The following DDX60 variants were observed in gnomAD, a reference collection of about 807,000 sequenced individuals.
DDX60 encodes probable ATP-dependent RNA helicase DDX60.
Under a neutral mutation model 212.8 loss-of-function variants are expected in DDX60, and 165 were observed. The observed-to-expected ratio is 0.78, with a 90% CI of 0.68 to 0.88. The LOEUF (loss-of-function observed/expected upper bound fraction) is 0.88. Ranked by LOEUF, DDX60 falls within the 40% of genes least tolerant of loss-of-function variation. The probability of loss-of-function intolerance (pLI) is 0.00; values close to 1 mark genes in which losing one functional copy is unlikely to be tolerated. For synonymous variants in DDX60, 703 were observed against 685.3 expected (o/e 1.03, Z -0.40); for missense variants, 1,905 against 2,003.9 (o/e 0.95, Z 0.94).
rs201548896 is a variant in DDX60, at chr4:168,283,051, G to A, written c.1722+395C>T. Among the ~76,000 whole-genome samples, 592 of 152,048 alleles carry A rather than the reference G, an allele frequency of 3.9e-3. 2 individuals are homozygous for A. The highest frequency in any genetic ancestry group is 0.013 in the African/African-American group (543 of 41,504). On this transcript the variant is annotated intron_variant, in intron 13 of 37. Coordinates refer to ENST00000393743, the MANE Select transcript of DDX60 (RefSeq NM_017631.6). The stretch of plus-strand genomic sequence containing the variant: ...ATTAATCAATCATTTAAATACTTTG[G>A]AAAAGTGTAAACACTCTTTATAATT...
intron 8 of DDX60, 92 bp from the exon 9 acceptor site, chr4:168,288,407 G>T: frequency 1.1e-6 from 1 of 878,398 alleles, no homozygotes; most frequent in Non-Finnish European, 1.7e-6. Context: ...AAGGCAGTGG[G>T]CAGGATCATT....
chr4:168,252,431 T>A, intron 27 of DDX60, 78 bp downstream of exon 27: 2 of 1,516,850 alleles, frequency 1.3e-6, no homozygotes, highest in South Asian at 1.2e-5. Context: ...ATATATCTTA[T>A]TAAGCATTAT....
rs758038834 is a variant in DDX60, at chr4:168,225,642, T to A, written c.4568A>T (p.Asp1523Val). 2.5e-6 allele frequency: 4 copies of A among 1,611,660 alleles called. No homozygotes were observed. The Admixed American group carries it at 5.0e-5, about 20-fold the overall frequency. ...TTTCATGTTATATTCATCTAAAGCA[T>A]CACTAAAATCCTCAGGGAGATCATC... Reference protein sequence around the residue: ...FLDDLPEDFSDALDEYNMKIM... With the variant: ...FLDDLPEDFSVALDEYNMKIM... Residue 1523 changes from aspartate to valine, a missense_variant, in exon 34 of 38, where the codon GAT (aspartate) becomes GTT (valine). Coordinates refer to ENST00000393743, the MANE Select transcript of DDX60 (RefSeq NM_017631.6).
intron 7 of DDX60, among the ~76,000 whole-genome samples, chr4:168,293,235 T>A (rs1033449474): frequency 2.0e-5 from 3 of 152,168 alleles, no homozygotes; most frequent in African/African-American, 7.2e-5. Context: ...AGTTAAAAAC[T>A]TTAGTATCTC....
intron 30 of DDX60, among the ~76,000 whole-genome samples, chr4:168,245,523 C>T (rs1449980207): frequency 6.6e-6 from 1 of 152,122 alleles, no homozygotes; most frequent in Non-Finnish European, 1.5e-5. Flanking sequence ...AGATGTACTC[C>T]TCTTTATAGA....
At chr4:168,291,357 T>G (rs535707814) in intron 8 of DDX60, among the ~76,000 whole-genome samples, 1 of 152,210 alleles carries the variant, frequency 6.6e-6, no homozygotes, top group African/African-American at 2.4e-5. Context: ...TGCTTCTATT[T>G]CTCTAAAGTA....
chr4:168,259,639 A>G (rs528246958), intron 25 of DDX60, among the ~76,000 whole-genome samples: 2 of 151,112 alleles, frequency 1.3e-5, no homozygotes, highest in South Asian at 2.1e-4. Flanking sequence ...AATTGCCCAA[A>G]GTAAATAGAG....
intron 2 of DDX60, 53 bp downstream of exon 2, chr4:168,311,202 GT>G (rs1737119047): frequency 6.3e-7 from 1 of 1,582,064 alleles, no homozygotes; most frequent in Non-Finnish European, 8.7e-7. Context: ...AATCTATGTA[GT>G]TTACAGGGTA....
At position 168,267,615 on chromosome 4, in the gene DDX60, A is replaced by G. The variant is rs780524503; in HGVS notation, c.3006T>C (p.His1002=). 1 of 1,601,146 alleles carries G rather than the reference A, an allele frequency of 6.2e-7. No homozygotes were observed. Among genetic ancestry groups the G allele is most frequent in the Non-Finnish European group, 8.5e-7 (1 of 1,173,374 alleles). Residue 1002 remains histidine (H), a synonymous_variant, in exon 22 of 38, where the codon CAT becomes CAC. Transcript: ENST00000393743. ...TTGTTAGTGCAGCACATGGGTGAAA[A>G]TGATCAAAATGAATGTCACCATGTT... ...SIKHGDIHFD[H]FHPCAALTTD...
In DDX60 at chr4:168,221,700, G is replaced by C. The variant is rs377398691; in HGVS notation, c.4976+30C>G. 6 of 1,570,950 alleles carry C rather than the reference G, an allele frequency of 3.8e-6. No individual in the cohort carries two copies. In the African/African-American group the frequency reaches 5.4e-5, roughly 14 times the overall value. On this transcript the variant is annotated intron_variant, in intron 36 of 37. Transcript: ENST00000393743. ...CATTAGAGATGGAGATGGGAGGACA[G>C]AGAAACAGAGACAGACAGAGAGGAC...
intron 17 of DDX60, 119 bp downstream of exon 17, chr4:168,273,815 A>C: frequency 8.3e-7 from 1 of 1,210,026 alleles, no homozygotes; most frequent in African/African-American, 1.5e-5. Context: ...TCAGACACTG[A>C]AACAAGAAAA....
chr4:168,293,690 C>A, intron 7 of DDX60, 97 bp downstream of exon 7: 1 of 1,056,988 alleles, frequency 9.5e-7, no homozygotes, highest in East Asian at 2.5e-5. Context: ...AAGAGAAAAA[C>A]ATGAAGTACC....
At position 168,261,904 on chromosome 4, in the gene DDX60, G is replaced by A. The variant is rs545925078; in HGVS notation, c.3273+96C>T. On this transcript the variant is annotated intron_variant, in intron 24 of 37. Coordinates refer to ENST00000393743, the MANE Select transcript of DDX60 (RefSeq NM_017631.6). ...AACTTAAATTTCTAAAATAAAAATT[G>A]AGGATTAAAAAAAATCAGAAAATGG... The A allele has an allele frequency of 2.6e-5, 35 of 1,344,354 alleles. No individual in the cohort carries two copies. The East Asian group carries it at 8.8e-4, about 34-fold the overall frequency. The allele number at this position is 1,344,354 out of a possible 1,614,324, so 83.3% of individuals were successfully genotyped here. A position where few individuals can be genotyped will look rare whatever the true frequency, so the allele number is the denominator to read the frequency against.
chr4:168,292,049 C>A (rs878930689), intron 7 of DDX60, 143 bp from the exon 8 acceptor site: 9 of 302,360 alleles, frequency 3.0e-5, no homozygotes, highest in East Asian at 5.4e-5. Context: ...TTCTTTCTTT[C>A]TTTTTTTTTT....
intron 14 of DDX60, among the ~76,000 whole-genome samples, chr4:168,277,822 GAAAAAAAAA>G (rs530939598): frequency 1.7e-5 from 2 of 118,852 alleles, no homozygotes; most frequent in African/African-American, 6.0e-5. Flanking sequence ...AAAAAAAAAA[GAAAAAAAAA>G]AAAAAGAAAA....
At position 168,246,603 on chromosome 4, in the gene DDX60, C is replaced by G; in HGVS notation, c.3979G>C (p.Gly1327Arg). 6.2e-7 allele frequency: 1 copy of G among 1,614,042 alleles called. No individual in the cohort carries two copies. Among genetic ancestry groups the G allele is most frequent in the Non-Finnish European group, 8.5e-7 (1 of 1,179,960 alleles). ...CCCATCAGGTCTTGACCTCTTCTTC[C>G]AGCACGGCCAGACATCTGAAAAGAG... ...LNYRQMSGRA[G>R]RRGQDLMGDV... Residue 1327 changes from glycine to arginine, a missense_variant, in exon 30 of 38, where the codon GGA becomes CGA. By Grantham distance (125) the Gly-to-Arg change is moderately radical (BLOSUM62 -2). Coordinates refer to ENST00000393743, the MANE Select transcript of DDX60 (RefSeq NM_017631.6).
chr4:168,292,641 A>C (rs1379396684), intron 7 of DDX60, among the ~76,000 whole-genome samples: 1 of 152,194 alleles, frequency 6.6e-6, no homozygotes, highest in Non-Finnish European at 1.5e-5. Context: ...CAGGGCGAGG[A>C]CACCAGGATG....
intron 33 of DDX60, among the ~76,000 whole-genome samples, chr4:168,232,774 A>T (rs541586209): frequency 6.6e-6 from 1 of 152,128 alleles, no homozygotes; most frequent in East Asian, 1.9e-4. Flanking sequence ...ACAATATTAT[A>T]AAAACCCTTC....
At chr4:168,302,507 T>C in intron 5 of DDX60, 91 bp from the exon 6 acceptor site, 1 of 543,460 alleles carries the variant, frequency 1.8e-6, no homozygotes. Flanking sequence ...TAGATATAAT[T>C]ATGTTACGAT....
Sources: allele counts gnomAD v4.1 joint callset (sites outside exome capture counted in the v4.1 genomes callset), GRCh38; gene constraint gnomAD v4.1.1; transcripts MANE v1.5; gene names NCBI Gene and HGNC (gene_info 2026-07-23, HGNC 2026-07-21).